PCCA: variants seen among roughly 807,000 people sequenced by gnomAD.
The protein encoded by PCCA is propionyl-CoA carboxylase alpha chain, mitochondrial.
In PCCA, 74 loss-of-function variants were observed where a neutral mutation model predicts 101.3. That is an observed-to-expected ratio of 0.73 (90% CI 0.61 to 0.89). The LOEUF (loss-of-function observed/expected upper bound fraction) is 0.89, where lower values mean the gene tolerates loss of function less well. Among genes scored for constraint, PCCA ranks in the 40% least tolerant of loss-of-function variants. The probability of loss-of-function intolerance (pLI) is 0.00; values close to 1 mark genes in which losing one functional copy is unlikely to be tolerated. For missense variants in PCCA, 891 were observed against 907.0 expected (o/e 0.98, Z 0.23); for synonymous variants, 294 against 313.6 (o/e 0.94, Z 0.66).
At chr13:100,109,258 A>G (rs1031052548) in intron 2 of PCCA, among the ~76,000 whole-genome samples, 6 of 152,190 alleles carry the variant, frequency 3.9e-5, no homozygotes, top group African/African-American at 9.6e-5. Flanking sequence ...TTTACATACC[A>G]GGAAATGAGA....
chr13:100,186,970 A>G (rs1401494308), intron 6 of PCCA, among the ~76,000 whole-genome samples: 4 of 152,230 alleles, frequency 2.6e-5, no homozygotes, highest in Non-Finnish European at 4.4e-5. Flanking sequence ...ATTAATTGCA[A>G]TGATGAAACA....
At chr13:100,188,821 A>G (rs1165944757) in intron 6 of PCCA, among the ~76,000 whole-genome samples, 1 of 151,538 alleles carries the variant, frequency 6.6e-6, no homozygotes, top group Non-Finnish European at 1.5e-5. Flanking sequence ...TAGTGAGCAT[A>G]TATTGAAGTT....
chr13:100,100,873 G>A (rs995600500), intron 1 of PCCA, among the ~76,000 whole-genome samples: 28 of 151,448 alleles, frequency 1.8e-4, no homozygotes, highest in African/African-American at 6.1e-4. Context: ...CTGCAACCTC[G>A]GCTCACTGCA....
chr13:100,528,115 CA>C (rs2088008541), intron 23 of PCCA, among the ~76,000 whole-genome samples: 1 of 152,104 alleles, frequency 6.6e-6, no homozygotes, highest in Non-Finnish European at 1.5e-5. Flanking sequence ...TTACAAATTG[CA>C]AAAATTAATG....
chr13:100,494,401 C>T (rs1055474491), intron 21 of PCCA, among the ~76,000 whole-genome samples: 12 of 151,378 alleles, frequency 7.9e-5, no homozygotes, highest in African/African-American at 1.2e-4. Context: ...TTTGAAATTC[C>T]GGCCGGGTAC....
intron 7 of PCCA, among the ~76,000 whole-genome samples, chr13:100,223,735 A>G (rs1192093969): frequency 6.6e-5 from 10 of 152,062 alleles, no homozygotes; most frequent in Non-Finnish European, 1.3e-4. Context: ...TTGACAGGGC[A>G]CTGATTGGTG....
chr13:100,427,069 T>C (rs1413626712), intron 20 of PCCA, among the ~76,000 whole-genome samples: 2 of 152,144 alleles, frequency 1.3e-5, no homozygotes, highest in African/African-American at 4.8e-5. Flanking sequence ...ATACAAAAAT[T>C]AGCCGGGTGT....
At chr13:100,275,434 T>C (rs2063580806) in intron 12 of PCCA, among the ~76,000 whole-genome samples, 2 of 152,172 alleles carry the variant, frequency 1.3e-5, no homozygotes, top group Non-Finnish European at 2.9e-5. Context: ...GATTTCTGCC[T>C]CTTTCCTGAT....
chr13:100,227,204 T>C (rs1566749190), intron 7 of PCCA, among the ~76,000 whole-genome samples: 1 of 152,114 alleles, frequency 6.6e-6, no homozygotes, highest in Non-Finnish European at 1.5e-5. Flanking sequence ...CTTGAATTCC[T>C]GACCTCAGGT....
chr13:100,306,150 C>T (rs573096955), intron 14 of PCCA, among the ~76,000 whole-genome samples: 2 of 152,328 alleles, frequency 1.3e-5, no homozygotes, highest in African/African-American at 4.8e-5. Flanking sequence ...AAAGGCCTAA[C>T]AGCCGCTGTG....
intron 6 of PCCA, among the ~76,000 whole-genome samples, chr13:100,166,922 G>A (rs1258585045): frequency 6.6e-6 from 1 of 152,096 alleles, no homozygotes; most frequent in Non-Finnish European, 1.5e-5. Context: ...AAATTTAACT[G>A]TTATACTATG....
chr13:100,433,960 A>T (rs928466988), intron 20 of PCCA, among the ~76,000 whole-genome samples: 1 of 152,242 alleles, frequency 6.6e-6, no homozygotes, highest in African/African-American at 2.4e-5. Context: ...CTTAGGTTTA[A>T]TGAAGAATGG....
At chr13:100,199,459 C>T (rs2152460815) in intron 6 of PCCA, among the ~76,000 whole-genome samples, 1 of 152,250 alleles carries the variant, frequency 6.6e-6, no homozygotes, top group South Asian at 2.1e-4. Flanking sequence ...GGGTGTTTGA[C>T]TTACAGAGTC....
In PCCA at chr13:100,249,500, T is replaced by C. The variant is rs61969221; in HGVS notation, c.638-8095T>C. Among the ~76,000 whole-genome samples the C allele has an allele frequency of 9.9e-3, 1,514 of 152,284 alleles. 17 individuals carry two copies. Among genetic ancestry groups the C allele is most frequent in the Non-Finnish European group, 0.017 (1,161 of 68,022 alleles). ...TGTAGCTTTATAGTAAGTCTTGAAG[T>C]TGGGTATTGTTAGTCTTTTGAATTT... On this transcript the variant is annotated intron_variant, in intron 8 of 23. Transcript: ENST00000376285.
At chr13:100,425,561 T>C (rs1377936936) in intron 19 of PCCA, 72 bp from the exon 20 acceptor site, 16 of 995,980 alleles carry the variant, frequency 1.6e-5, no homozygotes, top group Middle Eastern at 2.0e-4. Context: ...TGCTGCTTTG[T>C]ATGCAGCAAT....
intron 21 of PCCA, 35 bp from the exon 22 acceptor site, chr13:100,515,392 A>G: frequency 1.2e-6 from 2 of 1,603,390 alleles, no homozygotes; most frequent in Non-Finnish European, 1.7e-6. Context: ...TTTCATTTAA[A>G]CTCATTTATG....
intron 4 of PCCA, among the ~76,000 whole-genome samples, chr13:100,144,402 C>T (rs924333275): frequency 6.6e-6 from 1 of 152,070 alleles, no homozygotes; most frequent in African/African-American, 2.4e-5. Context: ...TGCATAGATA[C>T]TAGGAGAAAG....
chr13:100,459,702 T>G (rs1233382746), intron 21 of PCCA, among the ~76,000 whole-genome samples: 4 of 152,204 alleles, frequency 2.6e-5, no homozygotes, highest in Admixed American at 6.5e-5. Context: ...CAGGGAGCTC[T>G]CTGCAGTAAC....
intron 19 of PCCA, among the ~76,000 whole-genome samples, chr13:100,409,357 G>T (rs2077884796): frequency 6.6e-6 from 1 of 152,162 alleles, no homozygotes; most frequent in Admixed American, 6.6e-5. Flanking sequence ...CTAAAGATGA[G>T]GTTCTTTGTC....
Sources: allele counts gnomAD v4.1 joint callset (sites outside exome capture counted in the v4.1 genomes callset), GRCh38; gene constraint gnomAD v4.1.1; transcripts MANE v1.5; gene names NCBI Gene and HGNC (gene_info 2026-07-23, HGNC 2026-07-21).